The following IMPG1 variants were observed in gnomAD, a reference collection of about 807,000 sequenced individuals.
IMPG1 encodes the protein interphotoreceptor matrix proteoglycan of 150 kDa.
In IMPG1, 85 loss-of-function variants were observed where a neutral mutation model predicts 92.0. That is an observed-to-expected ratio of 0.92 (90% CI 0.78 to 1.11). The LOEUF is 1.11. Among genes scored for constraint, IMPG1 ranks in the 50% least tolerant of loss-of-function variants. IMPG1 has a pLI of 0.00. For synonymous variants in IMPG1, 367 were observed against 334.1 expected, an observed-to-expected ratio of 1.10 and a Z score of -1.08; for missense variants, 1,022 against 956.0, an observed-to-expected ratio of 1.07 and a Z score of -0.91.
At chr6:75,956,049 GCC>G (rs1271884670) in intron 12 of IMPG1, among the ~76,000 whole-genome samples, 1 of 152,066 alleles carries the variant, frequency 6.6e-6, no homozygotes. Context: ...AGGGATATTG[GCC>G]TGAAATTTTT....
At chr6:75,923,899 GCTTA>G (rs1330426512) in intron 15 of IMPG1, among the ~76,000 whole-genome samples, 193 bp from the exon 16 acceptor site, 3 of 152,016 alleles carry the variant, frequency 2.0e-5, no homozygotes, top group Non-Finnish European at 4.4e-5. Context: ...CTTTTAGTTG[GCTTA>G]CTATTTCTTA....
At chr6:75,960,162 A>G (rs1481168890) in intron 12 of IMPG1, among the ~76,000 whole-genome samples, 1 of 151,828 alleles carries the variant, frequency 6.6e-6, no homozygotes. Flanking sequence ...GTGATGCCCC[A>G]CCCCACCCTG....
At chr6:75,979,697 C>A (rs1403697926) in intron 12 of IMPG1, among the ~76,000 whole-genome samples, 1 of 152,170 alleles carries the variant, frequency 6.6e-6, no homozygotes, top group Non-Finnish European at 1.5e-5. Context: ...AATGAAAACA[C>A]AGACTGTAGA....
intron 15 of IMPG1, among the ~76,000 whole-genome samples, chr6:75,924,685 T>C (rs372035429): frequency 0.57 from 1,730 of 3,026 alleles, 708 homozygotes; most frequent in Middle Eastern, 1. Context: ...TATTATATAT[T>C]ATATATAAAT....
intron 14 of IMPG1, among the ~76,000 whole-genome samples, chr6:75,945,931 T>C (rs917852222): frequency 3.3e-5 from 5 of 152,118 alleles, no homozygotes; most frequent in African/African-American, 1.2e-4. Flanking sequence ...CTTGTGCTGG[T>C]GGATGGGTCC....
At chr6:75,926,435 T>G (rs1460090417) in intron 15 of IMPG1, among the ~76,000 whole-genome samples, 1 of 152,226 alleles carries the variant, frequency 6.6e-6, no homozygotes, top group African/African-American at 2.4e-5. Context: ...GTGTAGCATG[T>G]GAGTGAACCT....
rs1339480983 is a variant in IMPG1, at chr6:75,950,735, T to A, written c.1651A>T (p.Thr551Ser). 6.2e-7 allele frequency: 1 copy of A among 1,613,750 alleles called. No individual in the cohort carries two copies. The highest frequency in any genetic ancestry group is 1.1e-5 in the South Asian group (1 of 91,060). ...ATATACTGTAAAGCTGAGACAGGAGTGGTATCCTCCAAGAAATGATCTGGG... is the reference window on the plus strand; with the variant it reads ...ATATACTGTAAAGCTGAGACAGGAGAGGTATCCTCCAAGAAATGATCTGGG... The part of the protein sequence containing the change: ...SVPDHFLEDT[T>S]PVSALQYITT... The change falls in exon 13 of 17, where the codon ACT becomes TCT. Residue 551 changes from threonine to serine, a missense_variant. Transcript: ENST00000369950.
At chr6:76,061,529 G>A (rs896815263) in intron 1 of IMPG1, among the ~76,000 whole-genome samples, 9 of 152,162 alleles carry the variant, frequency 5.9e-5, no homozygotes, top group Admixed American at 3.3e-4. Context: ...AAGAAGTGGA[G>A]TGTCTTAAAA....
At chr6:75,993,550 C>T (rs919265027) in intron 12 of IMPG1, among the ~76,000 whole-genome samples, 3 of 152,140 alleles carry the variant, frequency 2.0e-5, no homozygotes, top group Admixed American at 6.6e-5. Context: ...GAAATCATCC[C>T]TCTTTTGTCT....
intron 14 of IMPG1, among the ~76,000 whole-genome samples, chr6:75,935,742 C>G (rs556745597): frequency 4.6e-5 from 7 of 152,284 alleles, no homozygotes; most frequent in Non-Finnish European, 7.4e-5. Flanking sequence ...TCTTTAAAAT[C>G]AGAAGAAAAA....
intron 11 of IMPG1, 72 bp from the exon 12 acceptor site, chr6:76,003,068 T>C: frequency 1.9e-6 from 2 of 1,077,100 alleles, no homozygotes; most frequent in South Asian, 1.3e-5. Context: ...GCTATACCCA[T>C]ATTTCAAAAT....
rs5877470 is a variant in IMPG1, at chr6:76,046,090, GAA to G, written c.68-3966_68-3965del. On this transcript the variant is annotated intron_variant, in intron 1 of 16. Coordinates refer to ENST00000369950, the MANE Select transcript of IMPG1 (RefSeq NM_001563.4). ...CAAAGAGAAGGGCAAAGTGATTTCA[GAA>G]AAAAAAAAATAACCACCTTTACTTT... Among the ~76,000 whole-genome samples, 18 of 147,828 alleles carry G rather than the reference GAA, an allele frequency of 1.2e-4. No homozygotes were observed. In the East Asian group the frequency reaches 1.8e-3, roughly 15 times the overall value.
rs181301471 is a variant in IMPG1, at chr6:75,967,615, A to T, written c.1292-16521T>A. ...ATGAACTAAGCCCAAATGAACGAAG[A>T]CACCCCTCAAGAAAGAAAAGTCTTG... is the stretch of plus-strand genomic sequence containing the variant. On this transcript the variant is annotated intron_variant, in intron 12 of 16. Transcript: ENST00000369950. Among the ~76,000 whole-genome samples the T allele has an allele frequency of 1.2e-3, 176 of 152,314 alleles. 3 individuals carry two copies. The highest frequency in any genetic ancestry group is 6.8e-3 in the Middle Eastern group (2 of 294).
rs755308446 is a variant in IMPG1 at position 76,025,252 on chromosome 6, A to AT, written c.503dup (p.Asp168GlufsTer2). On this transcript the variant is annotated frameshift_variant, in exon 5 of 17. Coordinates refer to ENST00000369950, the MANE Select transcript of IMPG1 (RefSeq NM_001563.4). LOFTEE classifies it high-confidence loss of function. ...CCAATGTCTTCTCTGCAGATATTTC[A>AT]TCTTTTCTATTAGTACAATAGAAAA... 1 of 1,576,272 alleles carries AT rather than the reference A, an allele frequency of 6.3e-7. No individual in the cohort carries two copies. The highest frequency in any genetic ancestry group is 1.1e-5 in the South Asian group (1 of 89,534).
chr6:76,063,067 G>A (rs1223429464), intron 1 of IMPG1, among the ~76,000 whole-genome samples: 1 of 151,950 alleles, frequency 6.6e-6, no homozygotes. Context: ...AGCCAGGCAT[G>A]GTGGCAGGCA....
intron 9 of IMPG1, among the ~76,000 whole-genome samples, chr6:76,006,789 C>CT (rs759788922): frequency 4.7e-4 from 71 of 152,134 alleles, no homozygotes; most frequent in Middle Eastern, 3.4e-3. Flanking sequence ...TAACTCAAAG[C>CT]TTTTTTGCAT....
intron 7 of IMPG1, among the ~76,000 whole-genome samples, chr6:76,013,031 C>G (rs182070789): frequency 6.6e-6 from 1 of 152,042 alleles, no homozygotes; most frequent in Non-Finnish European, 1.5e-5. Flanking sequence ...GTCTGGCATA[C>G]CCTCCCTATC....
At chr6:76,065,499 T>G (rs1483163529) in intron 1 of IMPG1, among the ~76,000 whole-genome samples, 1 of 152,086 alleles carries the variant, frequency 6.6e-6, no homozygotes, top group Non-Finnish European at 1.5e-5. Flanking sequence ...TATCAGAGCT[T>G]GAAGGCAGAT....
At chr6:76,003,989 C>G in intron 10 of IMPG1, 39 bp from the exon 11 acceptor site, 1 of 1,507,724 alleles carries the variant, frequency 6.6e-7, no homozygotes, top group Non-Finnish European at 9.2e-7. Context: ...TGTATCTTTC[C>G]TTTTTCTTTT....
Sources: gnomAD v4.1 joint callset for allele counts (sites outside exome capture counted in the v4.1 genomes callset) on GRCh38, gnomAD v4.1.1 for gene constraint, MANE v1.5 for transcripts, NCBI Gene and HGNC (gene_info 2026-07-23, HGNC 2026-07-21) for gene names.